The following ZBTB20 variants were observed in gnomAD, a reference collection of about 807,000 sequenced individuals.
The protein encoded by ZBTB20 is zinc finger and BTB domain-containing protein 20.
In ZBTB20, 9 loss-of-function variants were observed where a neutral mutation model predicts 56.9. The observed-to-expected ratio is 0.16, with a 90% CI of 0.10 to 0.28. ZBTB20 has a LOEUF of 0.28. Ranked by LOEUF, ZBTB20 falls within the 10% of genes least tolerant of loss-of-function variation. The pLI, the probability that ZBTB20 is intolerant of heterozygous loss-of-function variation, is 1.00. For missense variants in ZBTB20, 655 were observed against 1,003.0 expected (o/e 0.65, Z 4.69); for synonymous variants, 417 against 420.7 (o/e 0.99, Z 0.11).
chr3:114,729,440 G>A (rs965520698), intron 5 of ZBTB20, among the ~76,000 whole-genome samples: 6 of 152,116 alleles, frequency 3.9e-5, no homozygotes, highest in Non-Finnish European at 8.8e-5. Context: ...TTTACTTTAT[G>A]CATGCATTTA....
In ZBTB20 at chr3:114,504,157, G is replaced by A. The variant is rs1430271539; in HGVS notation, c.-294-3766C>T. Among the ~76,000 whole-genome samples, 7 of 152,290 alleles carry A rather than the reference G, an allele frequency of 4.6e-5. No homozygotes were observed. In the East Asian group the frequency reaches 1.3e-3, roughly 29 times the overall value. On this transcript the variant is annotated intron_variant, in intron 6 of 11. Coordinates refer to ENST00000675478, the MANE Select transcript of ZBTB20 (RefSeq NM_001348800.3). ...AAGAGTTCTAAGTGGGTAAGGGTATGTGGTTAGAGCCACACAGGCTTCTTT... is the reference window on the plus strand; with the variant it reads ...AAGAGTTCTAAGTGGGTAAGGGTATATGGTTAGAGCCACACAGGCTTCTTT...
At chr3:115,023,473 T>C (rs2080288697) in intron 2 of ZBTB20, among the ~76,000 whole-genome samples, 1 of 150,830 alleles carries the variant, frequency 6.6e-6, no homozygotes, top group Non-Finnish European at 1.5e-5. Context: ...ATCACCTTCT[T>C]TTCTTCTACA....
rs773766507 is a variant in ZBTB20, at chr3:114,827,839, T to C, written c.-416-26665A>G. Among the ~76,000 whole-genome samples the C allele has an allele frequency of 2.6e-5, 4 of 151,640 alleles. No individual in the cohort carries two copies. The Admixed American group carries it at 2.6e-4, about 10-fold the overall frequency. On this transcript the variant is annotated intron_variant, in intron 4 of 11. Transcript: ENST00000675478. ...GGATCCCATATCCAATACTTCAATA[T>C]AGAATTAAAAGATATCTCCAGCAGA... is the stretch of plus-strand genomic sequence containing the variant.
At chr3:114,702,083 T>G (rs2063421462) in intron 5 of ZBTB20, among the ~76,000 whole-genome samples, 1 of 151,968 alleles carries the variant, frequency 6.6e-6, no homozygotes, top group Non-Finnish European at 1.5e-5. Flanking sequence ...ATCGTCACCA[T>G]GGGAGTCGCT....
chr3:114,959,923 C>T (rs2077386420), intron 3 of ZBTB20, among the ~76,000 whole-genome samples: 1 of 152,158 alleles, frequency 6.6e-6, no homozygotes, highest in African/African-American at 2.4e-5. Flanking sequence ...GAAAAACTAA[C>T]TTGTTCTTAA....
At chr3:115,057,015 T>G in intron 2 of ZBTB20, among the ~76,000 whole-genome samples, 1 of 150,858 alleles carries the variant, frequency 6.6e-6, no homozygotes, top group South Asian at 2.1e-4. Flanking sequence ...TAAATTCTGT[T>G]GAGAATAAAA....
intron 7 of ZBTB20, among the ~76,000 whole-genome samples, chr3:114,482,894 T>C (rs986652934): frequency 6.6e-6 from 1 of 152,178 alleles, no homozygotes; most frequent in African/African-American, 2.4e-5. Context: ...TATTCACTCA[T>C]AATTATTTAT....
At chr3:114,887,021 A>G (rs1434778013) in intron 4 of ZBTB20, among the ~76,000 whole-genome samples, 2 of 152,134 alleles carry the variant, frequency 1.3e-5, no homozygotes, top group Non-Finnish European at 2.9e-5. Flanking sequence ...CCGTGACAAC[A>G]CTCTAGAATC....
Position 114,709,223 on chromosome 3 carries a change from T to C in ZBTB20, c.-342-15648A>G, listed in dbSNP as rs533169566. Reference sequence around the variant, plus strand: ...TCCATAGTATTAATTAGTTATATTATTTAGGCCTGCAGCAGAACAGTTTCA... The same window carrying C: ...TCCATAGTATTAATTAGTTATATTACTTAGGCCTGCAGCAGAACAGTTTCA... On this transcript the variant is annotated intron_variant, in intron 5 of 11. Transcript: ENST00000675478. Among the ~76,000 whole-genome samples the C allele has an allele frequency of 2.0e-5, 3 of 152,310 alleles. No individual in the cohort carries two copies. The East Asian group carries it at 5.8e-4, about 29-fold the overall frequency.
At chr3:115,088,419 C>T (rs1346029347) in intron 1 of ZBTB20, among the ~76,000 whole-genome samples, 1 of 151,266 alleles carries the variant, frequency 6.6e-6, no homozygotes, top group Non-Finnish European at 1.5e-5. Flanking sequence ...TGTGGGTCTT[C>T]CTTTAAAAAA....
intron 6 of ZBTB20, among the ~76,000 whole-genome samples, chr3:114,633,712 G>C (rs1201095864): frequency 6.6e-6 from 1 of 152,084 alleles, no homozygotes; most frequent in Non-Finnish European, 1.5e-5. Flanking sequence ...TTTAGGGATG[G>C]ATAAGAAAAT....
chr3:115,098,526 C>T (rs2083461724), intron 1 of ZBTB20, among the ~76,000 whole-genome samples: 1 of 152,058 alleles, frequency 6.6e-6, no homozygotes, highest in African/African-American at 2.4e-5. Flanking sequence ...AAAAAAATCT[C>T]CGACGGGACC....
chr3:114,572,664 T>TA (rs1239312155), intron 6 of ZBTB20, among the ~76,000 whole-genome samples: 1 of 152,236 alleles, frequency 6.6e-6, no homozygotes, highest in Non-Finnish European at 1.5e-5. Flanking sequence ...TTGGCTAATG[T>TA]AAGGAACTTA....
At chr3:114,849,040 C>T (rs917760194) in intron 4 of ZBTB20, among the ~76,000 whole-genome samples, 1 of 152,202 alleles carries the variant, frequency 6.6e-6, no homozygotes, top group African/African-American at 2.4e-5. Context: ...AACCTGTAGA[C>T]AGAGTAGTCA....
intron 6 of ZBTB20, among the ~76,000 whole-genome samples, chr3:114,590,419 T>G (rs1185476404): frequency 1.3e-5 from 2 of 150,958 alleles, no homozygotes; most frequent in Non-Finnish European, 2.9e-5. Flanking sequence ...GCCACTGCAC[T>G]CCAGCCTGCA....
chr3:114,581,763 A>T (rs2054651349), intron 6 of ZBTB20, among the ~76,000 whole-genome samples: 1 of 152,148 alleles, frequency 6.6e-6, no homozygotes, highest in African/African-American at 2.4e-5. Context: ...AAAAAGTCTG[A>T]CCATCACAAA....
chr3:115,040,740 T>C (rs2081108591), intron 2 of ZBTB20, among the ~76,000 whole-genome samples: 1 of 152,132 alleles, frequency 6.6e-6, no homozygotes, highest in South Asian at 2.1e-4. Context: ...ATGGTTACAT[T>C]TGCATTTTAG....
chr3:114,389,598 A>G (rs931922925), intron 7 of ZBTB20, among the ~76,000 whole-genome samples: 1 of 152,114 alleles, frequency 6.6e-6, no homozygotes, highest in African/African-American at 2.4e-5. Context: ...TAATTAAAAT[A>G]TGCATTACCG....
chr3:114,606,910 A>C (rs2057205624), intron 6 of ZBTB20, among the ~76,000 whole-genome samples: 1 of 152,090 alleles, frequency 6.6e-6, no homozygotes, highest in Non-Finnish European at 1.5e-5. Context: ...AGCCTTGCTA[A>C]CATGGTGAAA....
Sources: allele counts gnomAD v4.1 joint callset (sites outside exome capture counted in the v4.1 genomes callset), GRCh38; gene constraint gnomAD v4.1.1; transcripts MANE v1.5; gene names NCBI Gene and HGNC (gene_info 2026-07-23, HGNC 2026-07-21).